The following SCAMP4 variants were observed in gnomAD, a reference collection of about 807,000 sequenced individuals.
SCAMP4 encodes secretory carrier membrane protein 4.
In SCAMP4, 19 loss-of-function variants were observed where a neutral mutation model predicts 32.1. The observed-to-expected ratio is 0.59, with a 90% CI of 0.41 to 0.87. The LOEUF (loss-of-function observed/expected upper bound fraction) is 0.87, where lower values mean the gene tolerates loss of function less well. Ranked by LOEUF, SCAMP4 falls within the 40% of genes least tolerant of loss-of-function variation. The pLI is 0.00. For missense variants in SCAMP4, 302 were observed against 309.0 expected (o/e 0.98, Z 0.17); for synonymous variants, 152 against 132.7 (o/e 1.15, Z -1.00).
In SCAMP4 at chr19:1,918,168, G is replaced by T. The variant is rs1228023782; in HGVS notation, c.178G>T (p.Ala60Ser). 1 of 1,612,940 alleles carries T rather than the reference G, an allele frequency of 6.2e-7. No individual in the cohort carries two copies. The highest frequency in any genetic ancestry group is 1.3e-5 in the African/African-American group (1 of 75,072). ...CGGCGTCAACCTCATTGCCTGCCTG[G>T]CCTGGTGGATCGGCGGAGGCTCGGG... is the stretch of plus-strand genomic sequence containing the variant. The part of the protein sequence containing the change: ...TLGVNLIACL[A>S]WWIGGGSGTN... The change falls in exon 4 of 7, where the codon GCC becomes TCC. Residue 60 changes from alanine (A) to serine (S), a missense_variant. Ala to Ser is a moderately conservative substitution (Grantham distance 99). Transcript: ENST00000316097.
intron 1 of SCAMP4, among the ~76,000 whole-genome samples, chr19:1,907,820 G>C (rs900525820): frequency 5.3e-5 from 8 of 152,176 alleles, no homozygotes; most frequent in African/African-American, 1.9e-4. Flanking sequence ...CCTGCTGTTG[G>C]GGGGCAGTCG....
rs374528222 is a variant in SCAMP4, at chr19:1,915,000, C to A, written c.-20C>A. On this transcript the variant is annotated 5_prime_UTR_variant, in exon 2 of 7. Coordinates refer to ENST00000316097, the MANE Select transcript of SCAMP4 (RefSeq NM_079834.4). ...CCAGGCGGCTGCAGGCTTCAGCCTG[C>A]GCTGGTTGGTGAAACAGAGATGTCA... 3.2e-5 allele frequency: 52 copies of A among 1,613,846 alleles called. No individual in the cohort carries two copies. The African/African-American group carries it at 6.3e-4, about 19-fold the overall frequency.
intron 1 of SCAMP4, among the ~76,000 whole-genome samples, chr19:1,907,372 G>A (rs1204108629): frequency 9.0e-5 from 13 of 143,698 alleles, no homozygotes; most frequent in African/African-American, 3.2e-4. Context: ...TTTCTCTTAT[G>A]TACCTGACAG....
At chr19:1,914,040 G>C (rs1484215329) in intron 1 of SCAMP4, among the ~76,000 whole-genome samples, 3 of 152,178 alleles carry the variant, frequency 2.0e-5, no homozygotes, top group Admixed American at 6.5e-5. Flanking sequence ...AGGTGGGCTG[G>C]AGGGTCCCGG....
At chr19:1,921,779 A>G in intron 5 of SCAMP4, 1 of 984,384 alleles carries the variant, frequency 1.0e-6, no homozygotes, top group Non-Finnish European at 1.2e-6. Flanking sequence ...CCAGGAGTTC[A>G]GACTGGCCTG....
intron 6 of SCAMP4, 80 bp downstream of exon 6, chr19:1,923,267 C>G: frequency 8.0e-7 from 1 of 1,252,128 alleles, no homozygotes; most frequent in South Asian, 1.5e-5. Context: ...GGTGGGTGAA[C>G]GTCGAGGAGC....
intron 2 of SCAMP4, among the ~76,000 whole-genome samples, 174 bp downstream of exon 2, chr19:1,915,200 G>A (rs1188977526): frequency 6.6e-6 from 1 of 152,224 alleles, no homozygotes; most frequent in East Asian, 1.9e-4. Context: ...CTCTGCTGGG[G>A]GCAAAGGACA....
At position 1,919,421 on chromosome 19, in the gene SCAMP4, AG is replaced by A. The variant is rs530751313; in HGVS notation, c.395+432del. On this transcript the variant is annotated intron_variant, in intron 5 of 6. Transcript: ENST00000316097. The stretch of plus-strand genomic sequence containing the variant: ...CTGTTACCACACCTGAGAAACTCAC[AG>A]TCACTCTCTAAGGCTGCCAGGTGCC... 230 of 985,072 alleles carry A rather than the reference AG, an allele frequency of 2.3e-4. 1 individual carries two copies. In the African/African-American group the frequency reaches 3.6e-3, roughly 16 times the overall value. The allele number at this position is 985,072 out of a possible 1,614,324, so 61.0% of individuals were successfully genotyped here.
At position 1,924,272 on chromosome 19, in the gene SCAMP4, C is replaced by CCCA; in HGVS notation, c.679_680insCAC (p.Gly226_Gln227insPro). The CCCA allele has an allele frequency of 6.3e-7, 1 of 1,594,264 alleles. No individual in the cohort carries two copies. Among genetic ancestry groups the CCCA allele is most frequent in the East Asian group, 2.3e-5 (1 of 43,824 alleles). The stretch of plus-strand genomic sequence containing the variant: ...CTGTGCCCAGCTACCCGGGCAGTGG[C>CCCA]CAGTGGCCTTAGAGGGAGCCTGCCC... On this transcript the variant is annotated inframe_insertion, in exon 7 of 7. Coordinates refer to ENST00000316097, the MANE Select transcript of SCAMP4 (RefSeq NM_079834.4).
intron 5 of SCAMP4, chr19:1,922,244 A>G (rs980931867): frequency 1.0e-6 from 1 of 985,290 alleles, no homozygotes; most frequent in Non-Finnish European, 1.2e-6. Flanking sequence ...CTGGTGGCTG[A>G]TCTAAGCAGT....
chr19:1,915,074 G>A, intron 2 of SCAMP4, 48 bp downstream of exon 2: 2 of 1,611,162 alleles, frequency 1.2e-6, no homozygotes, highest in South Asian at 2.2e-5. Context: ...GCGGGAGGGA[G>A]ATGCCAGCAG....
chr19:1,907,978 C>G (rs1382667513), intron 1 of SCAMP4: 2 of 154,766 alleles, frequency 1.3e-5, no homozygotes, highest in Non-Finnish European at 2.9e-5. Context: ...CGCGGCGGGC[C>G]CAGCCTGCAG....
At position 1,924,133 on chromosome 19, in the gene SCAMP4, G is replaced by A. The variant is rs1479085076; in HGVS notation, c.539G>A (p.Gly180Asp). The A allele has an allele frequency of 1.9e-6, 3 of 1,610,968 alleles. No individual in the cohort carries two copies. Among genetic ancestry groups the A allele is most frequent in the Non-Finnish European group, 2.5e-6 (3 of 1,178,936 alleles). The change falls in exon 7 of 7, where the codon GGC becomes GAC. Residue 180 changes from glycine to aspartate, a missense_variant. Coordinates refer to ENST00000316097, the MANE Select transcript of SCAMP4 (RefSeq NM_079834.4). ...MKVHRIYRGA[G>D]GSFQKAQTEW... is the part of the protein sequence containing the mutation. ...GTGCACAGGATCTACCGAGGGGCTG[G>A]CGGAAGCTTCCAGAAGGCACAGACG...
intron 1 of SCAMP4, chr19:1,913,142 C>G (rs370276587): frequency 1.3e-6 from 2 of 1,555,558 alleles, no homozygotes; most frequent in African/African-American, 1.4e-5. Flanking sequence ...GGCTGGACCC[C>G]GACACGTAGG....
chr19:1,912,076 C>G (rs1317987967), intron 1 of SCAMP4: 1 of 1,451,738 alleles, frequency 6.9e-7, no homozygotes, highest in South Asian at 1.4e-5. Context: ...CTCTGTCTCC[C>G]ACAGTCGGCC....
chr19:1,922,872 A>G (rs1599257644), intron 5 of SCAMP4, 198 bp from the exon 6 acceptor site: 1 of 1,312,188 alleles, frequency 7.6e-7, no homozygotes, highest in Non-Finnish European at 9.7e-7. Flanking sequence ...TGGTGGAGGG[A>G]TAAGGTCGTA....
intron 5 of SCAMP4, chr19:1,921,388 G>C (rs999514198): frequency 1.0e-6 from 1 of 985,342 alleles, no homozygotes; most frequent in Admixed American, 6.1e-5. Flanking sequence ...GCGGGGCCTA[G>C]CTGTGTAGAT....
chr19:1,914,878 C>A (rs2145445026), intron 1 of SCAMP4, 101 bp from the exon 2 acceptor site: 1 of 957,308 alleles, frequency 1.0e-6, no homozygotes, highest in Non-Finnish European at 1.7e-6. Context: ...GTTTCCAGAG[C>A]ACAGGGCACG....
At position 1,924,355 on chromosome 19, in the gene SCAMP4, G is replaced by GA. The variant is rs769305904; in HGVS notation, c.*71_*72insA. ...TTCCTGCTGCTACCCCTGGTCCCGA[G>GA]GGCTGGGAGTACCTGGGGCCCCATC... On this transcript the variant is annotated 3_prime_UTR_variant, in exon 7 of 7. Transcript: ENST00000316097. 370 of 1,451,246 alleles carry GA rather than the reference G, an allele frequency of 2.5e-4. No individual in the cohort carries two copies. The Middle Eastern group carries it at 9.1e-3, about 36-fold the overall frequency. The allele number at this position is 1,451,246 out of a possible 1,614,324, so 89.9% of individuals were successfully genotyped here.
Sources: allele counts gnomAD v4.1 joint callset (sites outside exome capture counted in the v4.1 genomes callset), GRCh38; gene constraint gnomAD v4.1.1; transcripts MANE v1.5; gene names NCBI Gene and HGNC (gene_info 2026-07-23, HGNC 2026-07-21).